Variants in NRXN1 observed in about 807,000 individuals in gnomAD.
The protein encoded by NRXN1 is neurexin 1.
Under a neutral mutation model 150.9 loss-of-function variants are expected in NRXN1, and 39 were observed. The ratio of observed to expected loss-of-function variants is 0.26; its 90% CI spans 0.20 to 0.34. NRXN1 has a LOEUF of 0.34. NRXN1 is among the 10% of genes least tolerant of loss of function. The probability of loss-of-function intolerance (pLI) is 1.00; values close to 1 mark genes in which losing one functional copy is unlikely to be tolerated. For synonymous variants in NRXN1, 924 were observed against 757.0 expected (o/e 1.22, Z -3.62); for missense variants, 1,815 against 1,949.9 (o/e 0.93, Z 1.30).
Position 50,186,666 on chromosome 2 carries a change from C to A in NRXN1, c.3546+50123G>T, listed in dbSNP as rs139712956. Among the ~76,000 whole-genome samples, 5 of 152,134 alleles carry A rather than the reference C, an allele frequency of 3.3e-5. No individual in the cohort carries two copies. The East Asian group carries it at 9.7e-4, about 29-fold the overall frequency. ...GCTCAGAAAAATTTCCTTTGCTGTG[C>A]ATCATGTATGCTTTACTCAAAGGCC... On this transcript the variant is annotated intron_variant, in intron 18 of 22. Transcript: ENST00000401669.
At chr2:50,988,186 G>T (rs971065105) in intron 2 of NRXN1, among the ~76,000 whole-genome samples, 4 of 151,940 alleles carry the variant, frequency 2.6e-5, no homozygotes, top group Non-Finnish European at 4.4e-5. Flanking sequence ...CATGAGTCTT[G>T]TCGGCGCTCC....
In NRXN1 at chr2:49,920,362, T is replaced by C. The variant is rs567203920; in HGVS notation, c.*1582A>G. ...TGCACATCAGATTCAGAGATATATA[T>C]ATTATTTTATTAGAAAGAAAGTTTT... is the stretch of plus-strand genomic sequence containing the variant. On this transcript the variant is annotated 3_prime_UTR_variant, in exon 23 of 23. Transcript: ENST00000401669. The C allele has an allele frequency of 2.0e-5, 3 of 152,674 alleles. No individual in the cohort carries two copies. The highest frequency in any genetic ancestry group is 7.2e-5 in the African/African-American group (3 of 41,538). 9.5% of individuals were successfully genotyped at this position (152,674 alleles called of 1,614,324 possible).
chr2:50,501,302 G>C (rs1218037482), intron 13 of NRXN1, among the ~76,000 whole-genome samples: 1 of 151,976 alleles, frequency 6.6e-6, no homozygotes, highest in African/African-American at 2.4e-5. Context: ...AGGAGCGGGA[G>C]CGCCAGGGTC....
chr2:50,918,413 T>C (rs1349409587), intron 5 of NRXN1: 1 of 313,782 alleles, frequency 3.2e-6, no homozygotes, highest in African/African-American at 2.1e-5. Flanking sequence ...TACACTCTAC[T>C]AGGAAAAGTT....
intron 21 of NRXN1, among the ~76,000 whole-genome samples, chr2:50,052,358 G>A (rs1156416246): frequency 6.6e-6 from 1 of 152,012 alleles, no homozygotes; most frequent in Non-Finnish European, 1.5e-5. Flanking sequence ...TTTGGACCAA[G>A]GATAATACAC....
At chr2:50,516,543 T>C (rs2092635813) in intron 12 of NRXN1, among the ~76,000 whole-genome samples, 1 of 152,154 alleles carries the variant, frequency 6.6e-6, no homozygotes, top group Admixed American at 6.5e-5. Flanking sequence ...AGAGAAGCTG[T>C]CTCAGGCTTG....
At position 50,361,826 on chromosome 2, in the gene NRXN1, T is replaced by A. The variant is rs192768577; in HGVS notation, c.3364+103616A>T. On this transcript the variant is annotated intron_variant, in intron 17 of 22. Transcript: ENST00000401669. ...GAAAATTTCAGGCCAATATCCCTGA[T>A]GAACATCGATGCGAAAATCCTCAAT... 6.5e-3 allele frequency among the ~76,000 whole-genome samples: 990 copies of A among 152,274 alleles called. 2 individuals carry two copies. Among genetic ancestry groups the A allele is most frequent in the Non-Finnish European group, 0.01 (707 of 68,016 alleles).
In NRXN1 at chr2:49,943,749, C is replaced by T. The variant is rs1672416866; in HGVS notation, c.4171G>A (p.Asp1391Asn). The T allele has an allele frequency of 1.2e-6, 2 of 1,612,300 alleles. No homozygotes were observed. Among genetic ancestry groups the T allele is most frequent in the African/African-American group, 1.3e-5 (1 of 74,906 alleles). Residue 1391 changes from aspartate to asparagine, a missense_variant, in exon 22 of 23, where the codon GAT becomes AAT. By Grantham distance (23) the Asp-to-Asn change is conservative. This residue lies in a region of NRXN1 where 265 missense variants were observed against 307.1 expected (regional missense o/e 0.86). Transcript: ENST00000401669. ...TCACAGGGGTCAATGTCCTCATCATCGCTGGGACACTCTGCTGAGGCCACA... is the reference window on the plus strand; with the variant it reads ...TCACAGGGGTCAATGTCCTCATCATTGCTGGGACACTCTGCTGAGGCCACA... ...ILVASAECPS[D>N]DEDIDPCEPS... is the part of the protein sequence containing the mutation.
Position 50,096,001 on chromosome 2 carries a change from A to T in NRXN1, c.3547-4507T>A, listed in dbSNP as rs1031388892. Reference sequence around the variant, plus strand: ...CCTTCCTGTGTCCAAGTGTTCTCATATCATTTGACTTTTAAATGACGCCCA... The same window carrying T: ...CCTTCCTGTGTCCAAGTGTTCTCATTTCATTTGACTTTTAAATGACGCCCA... On this transcript the variant is annotated intron_variant, in intron 18 of 22. Transcript: ENST00000401669. Among the ~76,000 whole-genome samples, 6 of 134,418 alleles carry T rather than the reference A, an allele frequency of 4.5e-5. No individual in the cohort carries two copies. In the South Asian group the frequency reaches 9.4e-4, roughly 21 times the overall value. The allele number at this position is 134,418 out of a possible 152,430, so 88.2% of individuals were successfully genotyped here. A position where few individuals can be genotyped will look rare whatever the true frequency, so the allele number is the denominator to read the frequency against.
At chr2:50,382,878 C>G (rs989485317) in intron 17 of NRXN1, among the ~76,000 whole-genome samples, 1 of 152,102 alleles carries the variant, frequency 6.6e-6, no homozygotes, top group Non-Finnish European at 1.5e-5. Flanking sequence ...CAGAGATAAC[C>G]TTTGCTTAGG....
chr2:50,375,338 A>C (rs564394057), intron 17 of NRXN1, among the ~76,000 whole-genome samples: 2 of 150,936 alleles, frequency 1.3e-5, no homozygotes. Flanking sequence ...TCCCAACATT[A>C]TTTCATTTGA....
At chr2:50,237,729 C>A (rs1232319300) in intron 17 of NRXN1, among the ~76,000 whole-genome samples, 1 of 151,842 alleles carries the variant, frequency 6.6e-6, no homozygotes, top group East Asian at 1.9e-4. Context: ...AGTAAATTAT[C>A]CAGCTTAAAT....
intron 21 of NRXN1, among the ~76,000 whole-genome samples, chr2:50,050,203 G>A (rs924713917): frequency 3.4e-5 from 5 of 148,820 alleles, no homozygotes; most frequent in African/African-American, 1.0e-4. Flanking sequence ...CTTTAAGTAG[G>A]AATATAAACA....
intron 17 of NRXN1, among the ~76,000 whole-genome samples, chr2:50,329,905 C>T (rs960113356): frequency 6.6e-6 from 1 of 151,062 alleles, no homozygotes; most frequent in Admixed American, 6.6e-5. Flanking sequence ...AAATCCTGAC[C>T]TCGTGACCCA....
At chr2:50,802,721 G>A (rs1707792122) in intron 5 of NRXN1, among the ~76,000 whole-genome samples, 1 of 152,042 alleles carries the variant, frequency 6.6e-6, no homozygotes, top group African/African-American at 2.4e-5. Flanking sequence ...TCATTCATGT[G>A]GGCCCTAATC....
intron 17 of NRXN1, among the ~76,000 whole-genome samples, chr2:50,277,377 G>GGTCC (rs1356056497): frequency 0.017 from 531 of 31,458 alleles, no homozygotes; most frequent in African/African-American, 0.043. Flanking sequence ...AACTCAAAAA[G>GGTCC]GTCCGTCCTT....
intron 5 of NRXN1, among the ~76,000 whole-genome samples, chr2:50,849,208 C>T (rs1315606528): frequency 6.6e-6 from 1 of 152,176 alleles, no homozygotes; most frequent in Non-Finnish European, 1.5e-5. Context: ...CTTAACCTTC[C>T]CTTCAACTTG....
At chr2:50,095,504 T>C (rs576266648) in intron 18 of NRXN1, among the ~76,000 whole-genome samples, 10 of 152,300 alleles carry the variant, frequency 6.6e-5, no homozygotes, top group African/African-American at 2.4e-4. Context: ...CATAAGAGCC[T>C]ATTTTCATCA....
At chr2:50,432,192 T>C (rs1476492544) in intron 17 of NRXN1, 1 of 152,222 alleles carries the variant, frequency 6.6e-6, no homozygotes, top group African/African-American at 2.4e-5. Context: ...TCCAACCCGG[T>C]CACTTCCTCC....
Sources: allele counts gnomAD v4.1 joint callset (sites outside exome capture counted in the v4.1 genomes callset), GRCh38; gene constraint gnomAD v4.1.1; regional missense constraint gnomAD v4.1.1; transcripts MANE v1.5; gene names NCBI Gene and HGNC (gene_info 2026-07-23, HGNC 2026-07-21).